Variants in FEM1C observed in about 807,000 individuals in gnomAD.
FEM1C encodes the protein protein fem-1 homolog C.
Under a neutral mutation model 37.6 loss-of-function variants are expected in FEM1C, and 15 were observed. That is an observed-to-expected ratio of 0.40 (90% confidence interval 0.27 to 0.61). FEM1C has a LOEUF of 0.61. Ranked by LOEUF, FEM1C falls within the 20% of genes least tolerant of loss-of-function variation. The pLI is 0.42. For synonymous variants in FEM1C, 287 were observed against 272.8 expected (o/e 1.05, Z -0.51); for missense variants, 532 against 749.7 (o/e 0.71, Z 3.39).
chr5:115,542,811 C>A, intron 2 of FEM1C, 139 bp downstream of exon 2: 1 of 969,298 alleles, frequency 1.0e-6, no homozygotes, highest in Non-Finnish European at 1.5e-6. Context: ...AAACACTCAA[C>A]AAAGTCATAC....
intron 1 of FEM1C, 195 bp from the exon 2 acceptor site, chr5:115,543,878 T>G (rs1040117127): frequency 2.0e-6 from 2 of 984,846 alleles, no homozygotes; most frequent in African/African-American, 3.5e-5. Flanking sequence ...ACCCAAATGT[T>G]CTGGTCGCAG....
chr5:115,536,231 G>A (rs892744692), intron 2 of FEM1C, among the ~76,000 whole-genome samples: 14 of 151,904 alleles, frequency 9.2e-5, no homozygotes, highest in African/African-American at 2.9e-4. Flanking sequence ...ATCTCAATAA[G>A]GCTGTTTTAA....
Position 115,543,533 on chromosome 5 carries a change from A to G in FEM1C, c.-40T>C. ...GAGGCTGTGCTTTATTTATCTTTCA[A>G]AGCAGAGCTCCAGTTTAACTCTATC... On this transcript the variant is annotated 5_prime_UTR_variant, in exon 2 of 3. Transcript: ENST00000274457. The G allele has an allele frequency of 6.5e-7, 1 of 1,544,030 alleles. No individual in the cohort carries two copies. The highest frequency in any genetic ancestry group is 8.7e-7 in the Non-Finnish European group (1 of 1,154,908).
chr5:115,529,791 T>G (rs1023691066), intron 2 of FEM1C, among the ~76,000 whole-genome samples: 3 of 152,044 alleles, frequency 2.0e-5, no homozygotes, highest in Non-Finnish European at 4.4e-5. Flanking sequence ...AAATTTATGT[T>G]AGCCTTTGAT....
intron 2 of FEM1C, among the ~76,000 whole-genome samples, chr5:115,529,928 A>T (rs1179172131): frequency 6.6e-6 from 1 of 152,066 alleles, no homozygotes; most frequent in African/African-American, 2.4e-5. Flanking sequence ...AAGACCAAGG[A>T]ACACAAAACA....
At chr5:115,534,733 G>A (rs1174374709) in intron 2 of FEM1C, among the ~76,000 whole-genome samples, 1 of 151,888 alleles carries the variant, frequency 6.6e-6, no homozygotes, top group Non-Finnish European at 1.5e-5. Flanking sequence ...CTTTGTGTGT[G>A]TGTTTAGCAT....
chr5:115,542,725 A>G (rs1259242453), intron 2 of FEM1C, among the ~76,000 whole-genome samples: 1 of 152,238 alleles, frequency 6.6e-6, no homozygotes, highest in Non-Finnish European at 1.5e-5. Context: ...TACTCCAAAT[A>G]AGAGAGAAAA....
At position 115,524,804 on chromosome 5, in the gene FEM1C, T is replaced by C; in HGVS notation, c.1358A>G (p.Glu453Gly). Reference sequence around the variant, plus strand: ...TTGTTCTAGAGTACAAGGAACTTTCTCTAACAAGCAAATTAAGTGCAAAAT... The same window carrying C: ...TTGTTCTAGAGTACAAGGAACTTTCCCTAACAAGCAAATTAAGTGCAAAAT... The part of the protein sequence containing the change: ...SIILHLICLL[E>G]KVPCTLEQDH... Residue 453 changes from glutamate to glycine, a missense_variant, in exon 3 of 3, where the codon GAG (glutamate) becomes GGG (glycine). By Grantham distance (98) the Glu-to-Gly change is moderately conservative. Transcript: ENST00000274457. The C allele has an allele frequency of 1.3e-6, 2 of 1,599,554 alleles. No individual in the cohort carries two copies. The highest frequency in any genetic ancestry group is 1.7e-6 in the Non-Finnish European group (2 of 1,173,528).
At position 115,543,194 on chromosome 5, in the gene FEM1C, C is replaced by G; in HGVS notation, c.300G>C (p.Gln100His). The change falls in exon 2 of 3, where the codon CAG (glutamine) becomes CAC (histidine). Residue 100 changes from glutamine to histidine, a missense_variant. By Grantham distance (24) the Gln-to-His change is conservative. Around this residue, in one of 3 missense-constraint regions of FEM1C, gnomAD observed 221 missense variants for 404.1 expected, o/e 0.55. Transcript: ENST00000274457. ...ASAAGHLKVV[Q>H]SLLNHGASVN... ...CAGATGCTCCATGATTTAACAAGGACTGGACCACCTTCAGATGTCCTGCTG... is the reference window on the plus strand; with the variant it reads ...CAGATGCTCCATGATTTAACAAGGAGTGGACCACCTTCAGATGTCCTGCTG... 1.2e-6 allele frequency: 2 copies of G among 1,614,230 alleles called. No individual in the cohort carries two copies. Among genetic ancestry groups the G allele is most frequent in the Non-Finnish European group, 1.7e-6 (2 of 1,180,046 alleles).
Position 115,523,925 on chromosome 5 carries a change from GAAGA to G in FEM1C, c.*379_*382del, listed in dbSNP as rs1320110428. On this transcript the variant is annotated 3_prime_UTR_variant, in exon 3 of 3. Coordinates refer to ENST00000274457, the MANE Select transcript of FEM1C (RefSeq NM_020177.3). ...GAAACAGGGGGGAAACTTGAGAAGA[GAAGA>G]AAGAAGCAAGAAAAAAAGACTTTCA... 12 of 183,150 alleles carry G rather than the reference GAAGA, an allele frequency of 6.6e-5. No individual in the cohort carries two copies. Among genetic ancestry groups the G allele is most frequent in the African/African-American group, 2.2e-4 (9 of 41,754 alleles). 11.3% of individuals were successfully genotyped at this position (183,150 alleles called of 1,614,324 possible). A position where few individuals can be genotyped will look rare whatever the true frequency, so the allele number is the denominator to read the frequency against.
chr5:115,542,644 T>G (rs1754265331), intron 2 of FEM1C, among the ~76,000 whole-genome samples: 1 of 151,778 alleles, frequency 6.6e-6, no homozygotes, highest in African/African-American at 2.4e-5. Context: ...AGCATAAGCC[T>G]AAAGGCTCAG....
chr5:115,532,882 C>G (rs1754045498), intron 2 of FEM1C, among the ~76,000 whole-genome samples: 1 of 151,968 alleles, frequency 6.6e-6, no homozygotes, highest in South Asian at 2.1e-4. Flanking sequence ...GGACAGATAA[C>G]AGAGCAGTGA....
intron 2 of FEM1C, among the ~76,000 whole-genome samples, chr5:115,537,879 T>G (rs908055453): frequency 3.9e-5 from 6 of 152,014 alleles, no homozygotes; most frequent in Non-Finnish European, 5.9e-5. Context: ...TAGAATGACA[T>G]CAATCATTAT....
At chr5:115,538,635 C>A (rs1034940056) in intron 2 of FEM1C, among the ~76,000 whole-genome samples, 1 of 151,666 alleles carries the variant, frequency 6.6e-6, no homozygotes, top group Non-Finnish European at 1.5e-5. Flanking sequence ...AACAAACAAA[C>A]CACTCCAGTT....
At chr5:115,539,215 TTG>T (rs1561560430) in intron 2 of FEM1C, among the ~76,000 whole-genome samples, 2 of 152,094 alleles carry the variant, frequency 1.3e-5, no homozygotes, top group African/African-American at 4.8e-5. Flanking sequence ...GCGTTTTCTA[TTG>T]GTCTGTAGTA....
At chr5:115,526,338 T>G (rs2127169314) in intron 2 of FEM1C, among the ~76,000 whole-genome samples, 1 of 152,302 alleles carries the variant, frequency 6.6e-6, no homozygotes, top group South Asian at 2.1e-4. Flanking sequence ...CCATGGAATC[T>G]GAAAAATATG....
At chr5:115,538,009 A>C (rs1754162290) in intron 2 of FEM1C, among the ~76,000 whole-genome samples, 1 of 152,064 alleles carries the variant, frequency 6.6e-6, no homozygotes, top group African/African-American at 2.4e-5. Context: ...CCTTGACTAA[A>C]ATACATCTAT....
chr5:115,538,290 T>C (rs1754169103), intron 2 of FEM1C, among the ~76,000 whole-genome samples: 1 of 151,966 alleles, frequency 6.6e-6, no homozygotes, highest in African/African-American at 2.4e-5. Context: ...CTACATGAAT[T>C]TCTCCCTTTT....
chr5:115,532,859 T>TA (rs1419520461), intron 2 of FEM1C, among the ~76,000 whole-genome samples: 1 of 152,040 alleles, frequency 6.6e-6, no homozygotes, highest in Non-Finnish European at 1.5e-5. Context: ...AATTAATGCT[T>TA]AAAAAACTAT....
Sources: gnomAD v4.1 joint callset for allele counts (sites outside exome capture counted in the v4.1 genomes callset) on GRCh38, gnomAD v4.1.1 for gene constraint, gnomAD v4.1.1 regional missense constraint, MANE v1.5 for transcripts, NCBI Gene and HGNC (gene_info 2026-07-23, HGNC 2026-07-21) for gene names.